L3MBTL4: variants seen among roughly 807,000 people sequenced by gnomAD.
L3MBTL4 encodes L3MBTL histone methyl-lysine binding protein 4, also known as lethal(3)malignant brain tumor-like protein 4.
A neutral mutation model predicts 84.5 loss-of-function variants in L3MBTL4; 70 were observed. The ratio of observed to expected loss-of-function variants is 0.83; its 90% confidence interval spans 0.68 to 1.01. The LOEUF is 1.01. Ranked by LOEUF, L3MBTL4 falls within the 50% of genes least tolerant of loss-of-function variation. The probability of loss-of-function intolerance (pLI) is 0.00; values close to 1 mark genes in which losing one functional copy is unlikely to be tolerated. For synonymous variants in L3MBTL4, 274 were observed against 259.8 expected (o/e 1.05, Z -0.52); for missense variants, 715 against 754.8 (o/e 0.95, Z 0.62).
intron 4 of L3MBTL4, among the ~76,000 whole-genome samples, chr18:6,288,842 T>A: frequency 6.6e-6 from 1 of 151,626 alleles, no homozygotes; most frequent in East Asian, 1.9e-4. Context: ...GAAATTTTCA[T>A]ATAATTTAAA....
chr18:6,222,168 G>A (rs561235882), intron 10 of L3MBTL4, among the ~76,000 whole-genome samples: 1 of 152,160 alleles, frequency 6.6e-6, no homozygotes, highest in African/African-American at 2.4e-5. Context: ...AACAATTAAA[G>A]TTAAAATATC....
intron 16 of L3MBTL4, among the ~76,000 whole-genome samples, chr18:6,054,884 C>T (rs955775959): frequency 3.9e-5 from 6 of 152,236 alleles, no homozygotes; most frequent in Non-Finnish European, 7.3e-5. Flanking sequence ...AACTGGGCTT[C>T]GGGCTCTTTT....
chr18:6,200,445 G>A (rs553313993), intron 12 of L3MBTL4, among the ~76,000 whole-genome samples: 11 of 152,274 alleles, frequency 7.2e-5, no homozygotes, highest in Admixed American at 3.3e-4. Context: ...TCATGCTACC[G>A]GCAGTTTTTG....
chr18:6,353,527 C>T (rs114014442), intron 1 of L3MBTL4, among the ~76,000 whole-genome samples: 3,792 of 152,018 alleles, frequency 0.025, 117 homozygotes, highest in African/African-American at 0.075. Flanking sequence ...GAGATATGAT[C>T]TTATATTTGG....
At chr18:6,409,912 A>C (rs776534245) in intron 1 of L3MBTL4, among the ~76,000 whole-genome samples, 2 of 152,140 alleles carry the variant, frequency 1.3e-5, no homozygotes, top group Non-Finnish European at 2.9e-5. Flanking sequence ...CAGAGGAGTA[A>C]TCCTGGATTC....
At chr18:6,265,318 G>C (rs2048583003) in intron 4 of L3MBTL4, among the ~76,000 whole-genome samples, 1 of 152,018 alleles carries the variant, frequency 6.6e-6, no homozygotes, top group Non-Finnish European at 1.5e-5. Context: ...TATCATTTTT[G>C]AATAACAAAA....
At chr18:6,177,040 G>C (rs2145284040) in intron 12 of L3MBTL4, among the ~76,000 whole-genome samples, 1 of 152,274 alleles carries the variant, frequency 6.6e-6, no homozygotes, top group East Asian at 1.9e-4. Context: ...ATGTCGGCAG[G>C]GGTGTAAAAT....
intron 3 of L3MBTL4, 122 bp from the exon 4 acceptor site, chr18:6,302,079 G>T: frequency 3.6e-6 from 3 of 826,244 alleles, no homozygotes; most frequent in Middle Eastern, 2.2e-4. Context: ...GGCGGACAAC[G>T]CACACAATAC....
rs368191784 is a variant in L3MBTL4, at chr18:6,128,033, T to TGGG, written c.1199+10158_1199+10160dup. On this transcript the variant is annotated intron_variant, in intron 14 of 18. Transcript: ENST00000317931. ...AACGAATCAAAACAAAAATATTGGG[T>TGGG]GGGGCGGGGGAAGAGTCAATGCAGG... 1.3e-3 allele frequency among the ~76,000 whole-genome samples: 118 copies of TGGG among 92,058 alleles called. 1 individual carries two copies. Among genetic ancestry groups the TGGG allele is most frequent in the African/African-American group, 5.1e-3 (114 of 22,310 alleles). 60.4% of individuals were successfully genotyped at this position (92,058 alleles called of 152,430 possible).
At chr18:6,156,796 C>G (rs1318598182) in intron 13 of L3MBTL4, among the ~76,000 whole-genome samples, 3 of 152,164 alleles carry the variant, frequency 2.0e-5, no homozygotes, top group African/African-American at 7.2e-5. Context: ...CAGAGCTGTG[C>G]TTTATTTAAT....
intron 16 of L3MBTL4, chr18:6,046,607 A>G: frequency 1.7e-6 from 1 of 593,592 alleles, no homozygotes; most frequent in South Asian, 2.3e-5. Context: ...AGATCTCCCA[A>G]AACCACACAT....
At chr18:5,978,310 A>G (rs572204162) in intron 16 of L3MBTL4, among the ~76,000 whole-genome samples, 1 of 152,274 alleles carries the variant, frequency 6.6e-6, no homozygotes, top group South Asian at 2.1e-4. Context: ...ATCCATAGTA[A>G]CTTTTGATAG....
At chr18:6,084,002 T>C (rs1455881137) in intron 15 of L3MBTL4, among the ~76,000 whole-genome samples, 1 of 152,198 alleles carries the variant, frequency 6.6e-6, no homozygotes, top group Non-Finnish European at 1.5e-5. Context: ...GGCTATCATT[T>C]CTGTGCTCAT....
chr18:6,327,250 A>G (rs2051773361), intron 1 of L3MBTL4, among the ~76,000 whole-genome samples: 1 of 152,206 alleles, frequency 6.6e-6, no homozygotes, highest in Non-Finnish European at 1.5e-5. Context: ...GGAACTATGC[A>G]TGCCTAGAAC....
At chr18:6,031,701 A>C in intron 16 of L3MBTL4, 1 of 985,406 alleles carries the variant, frequency 1.0e-6, no homozygotes, top group Non-Finnish European at 1.2e-6. Flanking sequence ...GCACGGCTTC[A>C]TGGGGAATGG....
chr18:6,037,108 C>T (rs1051019512), intron 16 of L3MBTL4, among the ~76,000 whole-genome samples: 2 of 152,176 alleles, frequency 1.3e-5, no homozygotes, highest in Non-Finnish European at 2.9e-5. Context: ...CTTCTGTGAT[C>T]GGAAGCAGCA....
intron 1 of L3MBTL4, among the ~76,000 whole-genome samples, chr18:6,368,245 G>A (rs1486614699): frequency 6.6e-6 from 1 of 151,682 alleles, no homozygotes; most frequent in Non-Finnish European, 1.5e-5. Context: ...GGCGGCCGTC[G>A]GTGCTTACTT....
intron 10 of L3MBTL4, among the ~76,000 whole-genome samples, chr18:6,222,644 T>C (rs1230326473): frequency 1.3e-5 from 2 of 152,202 alleles, no homozygotes; most frequent in African/African-American, 4.8e-5. Context: ...CGTATCATAT[T>C]CCACTGAGTG....
At chr18:6,217,776 G>T (rs981200804) in intron 10 of L3MBTL4, among the ~76,000 whole-genome samples, 1 of 151,906 alleles carries the variant, frequency 6.6e-6, no homozygotes, top group Non-Finnish European at 1.5e-5. Context: ...TTCCCTTTTG[G>T]ATACATTTAT....
Sources: gnomAD v4.1 joint callset for allele counts (sites outside exome capture counted in the v4.1 genomes callset) on GRCh38, gnomAD v4.1.1 for gene constraint, MANE v1.5 for transcripts, NCBI Gene and HGNC (gene_info 2026-07-23, HGNC 2026-07-21) for gene names.